The following DNAH14 variants were observed in gnomAD, a reference collection of about 807,000 sequenced individuals.
DNAH14 encodes axonemal beta dynein heavy chain 14.
In DNAH14, 478 loss-of-function variants were observed where a neutral mutation model predicts 520.9. The observed-to-expected ratio is 0.92, with a 90% CI of 0.85 to 0.99. The LOEUF is 0.99. DNAH14 is among the 50% of genes least tolerant of loss of function. The probability of loss-of-function intolerance (pLI) is 0.00; values close to 1 mark genes in which losing one functional copy is unlikely to be tolerated. For missense variants in DNAH14, 4,831 were observed against 5,234.5 expected (o/e 0.92, Z 2.38); for synonymous variants, 1,581 against 1,757.2 (o/e 0.90, Z 2.51).
At chr1:225,061,781 G>C (rs994576837) in intron 17 of DNAH14, among the ~76,000 whole-genome samples, 3 of 152,104 alleles carry the variant, frequency 2.0e-5, no homozygotes, top group Admixed American at 6.6e-5. Flanking sequence ...ACCACACCTG[G>C]CTGTATATTC....
intron 12 of DNAH14, among the ~76,000 whole-genome samples, chr1:225,042,164 A>C (rs2456337): frequency 0.028 from 4,215 of 152,302 alleles, 91 homozygotes; most frequent in Non-Finnish European, 0.043. Context: ...ATTAGAGGTT[A>C]AGGTTCCAGC....
intron 69 of DNAH14, among the ~76,000 whole-genome samples, chr1:225,341,087 G>C (rs1014809675): frequency 6.6e-6 from 1 of 151,992 alleles, no homozygotes; most frequent in African/African-American, 2.4e-5. Flanking sequence ...ATAATGAAAA[G>C]ATATTTTATT....
At position 225,303,362 on chromosome 1, in the gene DNAH14, C is replaced by G; in HGVS notation, c.8823+15C>G. 2 of 1,540,416 alleles carry G rather than the reference C, an allele frequency of 1.3e-6. No homozygotes were observed. The highest frequency in any genetic ancestry group is 1.8e-6 in the Non-Finnish European group (2 of 1,141,926). ...AGAACAGAGAGGTAAATATCTAATG[C>G]AAGTGAAGGTTTCAGTTTATTGACA... On this transcript the variant is annotated intron_variant, in intron 57 of 85. Coordinates refer to ENST00000682510, the MANE Select transcript of DNAH14 (RefSeq NM_001367479.1).
chr1:224,964,288 ATAT>A (rs1558532552), intron 4 of DNAH14, among the ~76,000 whole-genome samples, 188 bp from the exon 5 acceptor site: 1 of 152,146 alleles, frequency 6.6e-6, no homozygotes, highest in Non-Finnish European at 1.5e-5. Flanking sequence ...AAATTCATAA[ATAT>A]TATTCCCTCT....
intron 27 of DNAH14, among the ~76,000 whole-genome samples, chr1:225,137,141 C>A (rs1034562002): frequency 1.3e-5 from 2 of 152,168 alleles, no homozygotes; most frequent in Non-Finnish European, 2.9e-5. Flanking sequence ...CTTCTGAAGC[C>A]TTATTTCTGC....
At chr1:225,216,718 G>T (rs1462805186) in intron 41 of DNAH14, among the ~76,000 whole-genome samples, 1 of 152,088 alleles carries the variant, frequency 6.6e-6, no homozygotes, top group Non-Finnish European at 1.5e-5. Context: ...CTGTCATGTA[G>T]TTCTTGTGCC....
At chr1:225,163,584 G>C (rs1367595048) in intron 35 of DNAH14, among the ~76,000 whole-genome samples, 1 of 152,168 alleles carries the variant, frequency 6.6e-6, no homozygotes, top group East Asian at 1.9e-4. Context: ...ATTTTATCAA[G>C]TGCATTTTCA....
intron 78 of DNAH14, 103 bp from the exon 79 acceptor site, chr1:225,377,134 T>C: frequency 1.1e-6 from 1 of 928,324 alleles, no homozygotes; most frequent in South Asian, 2.6e-5. Flanking sequence ...AATATTGTCT[T>C]CAAGCATTAC....
intron 36 of DNAH14, among the ~76,000 whole-genome samples, chr1:225,172,131 C>A (rs2149234566): frequency 6.6e-6 from 1 of 152,278 alleles, no homozygotes; most frequent in East Asian, 1.9e-4. Flanking sequence ...TAAGAGCTAT[C>A]TATGACAAAC....
chr1:225,137,024 T>A (rs1030896862), intron 27 of DNAH14, among the ~76,000 whole-genome samples: 1 of 152,226 alleles, frequency 6.6e-6, no homozygotes, highest in Non-Finnish European at 1.5e-5. Flanking sequence ...CTCTCTAAAT[T>A]GGCTGTTCTG....
chr1:225,264,234 A>G lies in DNAH14; in HGVS notation c.7195A>G (p.Thr2399Ala). ...GAATATCACCATCTTGATTCCTGAA[A>G]CTCATAAGACAGCAACTGGAAGTTC... ...KQNITILIPETHKTATGSSDN... is the reference protein window; with the variant it reads ...KQNITILIPEAHKTATGSSDN... Residue 2399 changes from threonine to alanine, a missense_variant, in exon 47 of 86, where the codon ACT becomes GCT. Coordinates refer to ENST00000682510, the MANE Select transcript of DNAH14 (RefSeq NM_001367479.1). The G allele has an allele frequency of 6.5e-7, 1 of 1,550,086 alleles. No homozygotes were observed. The highest frequency in any genetic ancestry group is 8.7e-7 in the Non-Finnish European group (1 of 1,145,904).
chr1:225,198,047 G>T (rs1379489086), intron 38 of DNAH14, among the ~76,000 whole-genome samples: 3 of 151,978 alleles, frequency 2.0e-5, no homozygotes, highest in South Asian at 2.1e-4. Flanking sequence ...TTGTCTGATT[G>T]CTCTGGCTAG....
At chr1:225,332,008 A>G (rs1430533935) in intron 65 of DNAH14, among the ~76,000 whole-genome samples, 2 of 152,120 alleles carry the variant, frequency 1.3e-5, no homozygotes, top group Admixed American at 6.6e-5. Flanking sequence ...AAGAAAGTAA[A>G]GGAATAAAGA....
Position 225,392,488 on chromosome 1 carries a change from T to C in DNAH14, c.13491+37T>C, listed in dbSNP as rs191429787. ...CTTCAAGGATTAGAAACGGTGATCA[T>C]TCATTCATTCATTTATTCATTCAAT... On this transcript the variant is annotated intron_variant, in intron 84 of 85. Transcript: ENST00000682510. 59 of 1,544,880 alleles carry C rather than the reference T, an allele frequency of 3.8e-5. 1 individual carries two copies. In the African/African-American group the frequency reaches 7.8e-4, roughly 20 times the overall value.
intron 1 of DNAH14, among the ~76,000 whole-genome samples, 199 bp downstream of exon 1, chr1:224,930,034 C>T (rs1292423061): frequency 1.3e-5 from 2 of 149,726 alleles, no homozygotes; most frequent in Non-Finnish European, 3.0e-5. Flanking sequence ...CACCAGGCGC[C>T]GGCGCCGCCA....
intron 51 of DNAH14, 108 bp downstream of exon 51, chr1:225,272,181 G>C: frequency 8.6e-7 from 1 of 1,164,418 alleles, no homozygotes; most frequent in Non-Finnish European, 1.2e-6. Flanking sequence ...ATGAATGTTG[G>C]TTAGTTTTGC....
At chr1:225,359,120 T>G (rs2095465109) in intron 74 of DNAH14, among the ~76,000 whole-genome samples, 1 of 152,234 alleles carries the variant, frequency 6.6e-6, no homozygotes, top group Non-Finnish European at 1.5e-5. Context: ...CAGATTATTC[T>G]GTGTTTAAAA....
In DNAH14 at chr1:225,165,568, T is replaced by TG. The variant is rs2081963231; in HGVS notation, c.5446-2370dup. ...ATTTTGTTTTTTTTTTTTACTTGTT[T>TG]GTTTGGTTGGTTGGTTGGTTGGTTG... On this transcript the variant is annotated intron_variant, in intron 35 of 85. Transcript: ENST00000682510. Among the ~76,000 whole-genome samples, 4 of 149,880 alleles carry TG rather than the reference T, an allele frequency of 2.7e-5. No homozygotes were observed. The South Asian group carries it at 8.8e-4, about 33-fold the overall frequency.
chr1:225,335,209 A>AT (rs200312989), intron 66 of DNAH14, among the ~76,000 whole-genome samples: 3 of 139,656 alleles, frequency 2.1e-5, no homozygotes, highest in Non-Finnish European at 4.9e-5. Flanking sequence ...ACACACGTAC[A>AT]TGTGTGTATA....
Sources: gnomAD v4.1 joint callset for allele counts (sites outside exome capture counted in the v4.1 genomes callset) on GRCh38, gnomAD v4.1.1 for gene constraint, MANE v1.5 for transcripts, NCBI Gene and HGNC (gene_info 2026-07-23, HGNC 2026-07-21) for gene names.